HECW2: variants seen among roughly 807,000 people sequenced by gnomAD.
HECW2 encodes E3 ubiquitin-protein ligase HECW2.
Under a neutral mutation model 175.2 loss-of-function variants are expected in HECW2, and 61 were observed. That is an observed-to-expected ratio of 0.35 (90% CI 0.28 to 0.43). The LOEUF (loss-of-function observed/expected upper bound fraction) is 0.43. HECW2 is among the 20% of genes least tolerant of loss of function. HECW2 has a pLI of 1.00. For synonymous variants in HECW2, 671 were observed against 731.0 expected (o/e 0.92, Z 1.32); for missense variants, 1,524 against 2,000.5 (o/e 0.76, Z 4.54).
At chr2:196,227,533 G>A (rs1687896350) in intron 22 of HECW2, among the ~76,000 whole-genome samples, 2 of 147,460 alleles carry the variant, frequency 1.4e-5, no homozygotes, top group South Asian at 2.2e-4. Flanking sequence ...GCCACTGCTT[G>A]TGACTCCCCA....
intron 1 of HECW2, among the ~76,000 whole-genome samples, chr2:196,499,501 G>C (rs960937426): frequency 1.3e-5 from 2 of 152,012 alleles, no homozygotes; most frequent in African/African-American, 4.8e-5. Flanking sequence ...TTCAAAGCAG[G>C]GGACCCTGTA....
chr2:196,400,287 C>G (rs971583989), intron 2 of HECW2, among the ~76,000 whole-genome samples: 27 of 152,176 alleles, frequency 1.8e-4, no homozygotes, highest in African/African-American at 6.3e-4. Context: ...AATTGCATCA[C>G]TCCTGTTACA....
At chr2:196,477,240 T>C (rs940854214) in intron 1 of HECW2, among the ~76,000 whole-genome samples, 1 of 152,092 alleles carries the variant, frequency 6.6e-6, no homozygotes, top group African/African-American at 2.4e-5. Flanking sequence ...ATTGGCCATA[T>C]TTAATATGTG....
chr2:196,270,202 TTAGA>T (rs5837500), intron 17 of HECW2, among the ~76,000 whole-genome samples: 41,263 of 151,850 alleles, frequency 0.27, 5,925 homozygotes, highest in African/African-American at 0.38. Context: ...CCTAGCACAC[TTAGA>T]TAGAGAAATA....
intron 2 of HECW2, among the ~76,000 whole-genome samples, chr2:196,363,283 A>G (rs1693650902): frequency 1.3e-5 from 2 of 152,098 alleles, no homozygotes; most frequent in Admixed American, 1.3e-4. Context: ...AATAGTATCA[A>G]ATGAGTGTCA....
chr2:196,514,706 T>C (rs1688086372), intron 1 of HECW2, among the ~76,000 whole-genome samples: 1 of 152,186 alleles, frequency 6.6e-6, no homozygotes, highest in African/African-American at 2.4e-5. Flanking sequence ...CTACCGACTC[T>C]GGGTCTCCTC....
chr2:196,315,192 A>C (rs1691649471), intron 10 of HECW2, among the ~76,000 whole-genome samples: 1 of 146,776 alleles, frequency 6.8e-6, no homozygotes, highest in Non-Finnish European at 1.5e-5. Context: ...GTGTGTGTGC[A>C]TAACTTATAT....
intron 1 of HECW2, among the ~76,000 whole-genome samples, chr2:196,536,068 G>A (rs555573408): frequency 4.3e-4 from 65 of 152,144 alleles, no homozygotes; most frequent in Non-Finnish European, 8.1e-4. Context: ...AACCTGGAAA[G>A]GTAATGTGTG....
chr2:196,304,614 G>A (rs1575388468), intron 13 of HECW2, among the ~76,000 whole-genome samples: 1 of 152,098 alleles, frequency 6.6e-6, no homozygotes, highest in Non-Finnish European at 1.5e-5. Context: ...AAAACAAAGG[G>A]GAGCTTGTGC....
At position 196,320,449 on chromosome 2, in the gene HECW2, G is replaced by A. The variant is rs551964834; in HGVS notation, c.885-10C>T. ...GCTGAGCATTTGATCACTGCAAGAA[G>A]AGAAATGCTTCTTTCATCCTGACTA... On this transcript the variant is annotated splice_polypyrimidine_tract_variant and intron_variant, in intron 7 of 28. Transcript: ENST00000644978. 9 of 1,586,520 alleles carry A rather than the reference G, an allele frequency of 5.7e-6. No individual in the cohort carries two copies. In the Admixed American group the frequency reaches 1.0e-4, roughly 18 times the overall value.
chr2:196,544,508 G>T (rs1218722561), intron 1 of HECW2, among the ~76,000 whole-genome samples: 2 of 152,212 alleles, frequency 1.3e-5, no homozygotes, highest in Non-Finnish European at 2.9e-5. Context: ...CAGTTGGGGG[G>T]CACTGGAAGG....
At chr2:196,232,725 C>T (rs2105854315) in intron 21 of HECW2, among the ~76,000 whole-genome samples, 1 of 152,314 alleles carries the variant, frequency 6.6e-6, no homozygotes, top group East Asian at 1.9e-4. Context: ...ACTGACCTCA[C>T]TGATTAGTTC....
At chr2:196,465,029 C>G (rs1001262073) in intron 1 of HECW2, among the ~76,000 whole-genome samples, 1 of 152,112 alleles carries the variant, frequency 6.6e-6, no homozygotes, top group African/African-American at 2.4e-5. Context: ...GTACAAGACT[C>G]TGTTTCAAAA....
At chr2:196,272,023 G>A (rs1220801799) in intron 16 of HECW2, among the ~76,000 whole-genome samples, 2 of 152,028 alleles carry the variant, frequency 1.3e-5, no homozygotes, top group Non-Finnish European at 1.5e-5. Context: ...TTAAACTTAC[G>A]AAAATCAGCC....
At chr2:196,368,429 G>C (rs1693812651) in intron 2 of HECW2, among the ~76,000 whole-genome samples, 1 of 152,144 alleles carries the variant, frequency 6.6e-6, no homozygotes, top group Non-Finnish European at 1.5e-5. Flanking sequence ...ACCTTTGGGA[G>C]TTCCATTATT....
chr2:196,576,303 T>C (rs1001953306), intron 1 of HECW2, among the ~76,000 whole-genome samples: 1 of 152,142 alleles, frequency 6.6e-6, no homozygotes, highest in African/African-American at 2.4e-5. Context: ...AATTGCCTAA[T>C]GACACATTTC....
intron 21 of HECW2, among the ~76,000 whole-genome samples, chr2:196,237,689 A>G (rs1337580585): frequency 6.6e-6 from 1 of 152,200 alleles, no homozygotes; most frequent in Non-Finnish European, 1.5e-5. Flanking sequence ...ATGTATTTAT[A>G]TCAGTATGGT....
At chr2:196,338,559 C>T (rs1692635966) in intron 3 of HECW2, among the ~76,000 whole-genome samples, 1 of 152,216 alleles carries the variant, frequency 6.6e-6, no homozygotes, top group African/African-American at 2.4e-5. Context: ...CTACAAGCCA[C>T]TCCCTGCAAG....
intron 1 of HECW2, among the ~76,000 whole-genome samples, chr2:196,435,454 G>C (rs1177621239): frequency 6.6e-6 from 1 of 152,138 alleles, no homozygotes. Context: ...CTAACACATT[G>C]TAGTTGAATA....
Sources: allele counts gnomAD v4.1 joint callset (sites outside exome capture counted in the v4.1 genomes callset), GRCh38; gene constraint gnomAD v4.1.1; transcripts MANE v1.5; gene names NCBI Gene and HGNC (gene_info 2026-07-23, HGNC 2026-07-21).